The following GRAP2 variants were observed in gnomAD, a reference collection of about 807,000 sequenced individuals.
GRAP2 encodes GRB2 related adaptor protein 2.
Under a neutral mutation model 43.5 loss-of-function variants are expected in GRAP2, and 31 were observed. The observed-to-expected ratio is 0.71, with a 90% CI of 0.54 to 0.96. The LOEUF (loss-of-function observed/expected upper bound fraction) is 0.96. Ranked by LOEUF, GRAP2 falls within the 40% of genes least tolerant of loss-of-function variation. GRAP2 has a pLI of 0.00. For synonymous variants in GRAP2, 156 were observed against 164.8 expected (o/e 0.95, Z 0.41); for missense variants, 371 against 424.4 (o/e 0.87, Z 1.11).
the GRAP2 span, among the ~76,000 whole-genome samples, chr22:39,894,914 C>G: frequency 1.3e-5 from 2 of 152,180 alleles, no homozygotes; most frequent in African/African-American, 4.8e-5. Flanking sequence ...GAGTTTACAT[C>G]TGAATTGAAT....
chr22:39,953,178 A>G (rs1443810373), intron 2 of GRAP2, among the ~76,000 whole-genome samples: 4 of 152,054 alleles, frequency 2.6e-5, no homozygotes, highest in Non-Finnish European at 5.9e-5. Flanking sequence ...CTGAAACCCC[A>G]AGCCCCAACC....
intron 1 of GRAP2, among the ~76,000 whole-genome samples, chr22:39,924,569 GT>G (rs889162296): frequency 6.6e-6 from 1 of 152,168 alleles, no homozygotes; most frequent in African/African-American, 2.4e-5. Flanking sequence ...GGACGTGGTG[GT>G]GGGCGCCTGC....
At chr22:39,954,358 C>A (rs905713148) in intron 2 of GRAP2, among the ~76,000 whole-genome samples, 1 of 152,106 alleles carries the variant, frequency 6.6e-6, no homozygotes, top group African/African-American at 2.4e-5. Flanking sequence ...GCTCTGCTAT[C>A]CTTATTTAGA....
At chr22:39,960,437 G>T (rs973417521) in intron 4 of GRAP2, 1 of 429,808 alleles carries the variant, frequency 2.3e-6, no homozygotes, top group African/African-American at 2.0e-5. Context: ...GCTTCTGGAA[G>T]GGCAGGATTT....
intron 5 of GRAP2, among the ~76,000 whole-genome samples, chr22:39,967,804 AG>A (rs2067190358): frequency 6.6e-6 from 1 of 152,196 alleles, no homozygotes; most frequent in Non-Finnish European, 1.5e-5. Context: ...CCAGGCAAAA[AG>A]TGTTAGTCTG....
chr22:39,902,047 A>T (rs1198774537), intron 1 of GRAP2, among the ~76,000 whole-genome samples: 1 of 152,106 alleles, frequency 6.6e-6, no homozygotes, highest in Non-Finnish European at 1.5e-5. Flanking sequence ...GTATACTGTC[A>T]AAAAAAATTT....
chr22:39,955,165 C>T (rs768534771), intron 2 of GRAP2, among the ~76,000 whole-genome samples: 23 of 152,082 alleles, frequency 1.5e-4, no homozygotes, highest in Non-Finnish European at 2.4e-4. Flanking sequence ...AAGACAGTCC[C>T]GGCCAATATG....
intron 1 of GRAP2, among the ~76,000 whole-genome samples, chr22:39,943,906 G>T (rs2066895345): frequency 6.6e-6 from 1 of 151,958 alleles, no homozygotes; most frequent in Non-Finnish European, 1.5e-5. Flanking sequence ...TTTTAGTAGA[G>T]ATGGGGTTTT....
intron 1 of GRAP2, among the ~76,000 whole-genome samples, chr22:39,906,073 TGAAGTAATGG>T (rs917606843): frequency 6.6e-6 from 1 of 151,942 alleles, no homozygotes; most frequent in African/African-American, 2.4e-5. Flanking sequence ...AGGAGAACTA[TGAAGTAATGG>T]GGGGAAAAAA....
At chr22:39,951,342 C>G (rs1034904604) in intron 2 of GRAP2, among the ~76,000 whole-genome samples, 1 of 152,192 alleles carries the variant, frequency 6.6e-6, no homozygotes, top group African/African-American at 2.4e-5. Flanking sequence ...TATCTCTTGA[C>G]CCAGTCCATT....
chr22:39,930,923 C>G (rs1265671752), intron 1 of GRAP2, among the ~76,000 whole-genome samples: 1 of 152,202 alleles, frequency 6.6e-6, no homozygotes, highest in African/African-American at 2.4e-5. Context: ...ATTTGGGAAG[C>G]TTCCACTAAT....
At chr22:39,926,828 G>A in intron 1 of GRAP2, 1 of 983,752 alleles carries the variant, frequency 1.0e-6, no homozygotes, top group Non-Finnish European at 1.2e-6. Flanking sequence ...CCAATTAGGG[G>A]AGTATTGTCT....
chr22:39,971,183 C>T lies in GRAP2; in HGVS notation c.*99C>T. ...CATGACTATATATACATACATCTATCTACATCTGCCTGTGTACACACACAA... is the reference window on the plus strand; with the variant it reads ...CATGACTATATATACATACATCTATTTACATCTGCCTGTGTACACACACAA... On this transcript the variant is annotated 3_prime_UTR_variant, in exon 8 of 8. Transcript: ENST00000344138. 3 of 853,416 alleles carry T rather than the reference C, an allele frequency of 3.5e-6. No homozygotes were observed. The South Asian group carries it at 4.9e-5, about 14-fold the overall frequency. 52.9% of individuals were successfully genotyped at this position (853,416 alleles called of 1,614,324 possible).
At chr22:39,963,010 A>G (rs923216166) in intron 4 of GRAP2, among the ~76,000 whole-genome samples, 6 of 152,160 alleles carry the variant, frequency 3.9e-5, no homozygotes, top group African/African-American at 1.4e-4. Flanking sequence ...AGTGAGTTCT[A>G]CAAAACAGTA....
Position 39,960,177 on chromosome 22 carries a change from A to G in GRAP2, c.290+3A>G. Reference sequence around the variant, plus strand: ...GGGGACTTCTCCATCTCTGTCAGGTACTGACCATTCCTGACACTGCCTTGG... The same window carrying G: ...GGGGACTTCTCCATCTCTGTCAGGTGCTGACCATTCCTGACACTGCCTTGG... On this transcript the variant is annotated splice_donor_region_variant and intron_variant, in intron 4 of 7. Coordinates refer to ENST00000344138, the MANE Select transcript of GRAP2 (RefSeq NM_004810.4). The G allele has an allele frequency of 6.2e-7, 1 of 1,613,378 alleles. No individual in the cohort carries two copies. Among genetic ancestry groups the G allele is most frequent in the Non-Finnish European group, 8.5e-7 (1 of 1,179,292 alleles).
intron 7 of GRAP2, 41 bp from the exon 8 acceptor site, chr22:39,970,864 C>A (rs2067233860): frequency 3.3e-6 from 5 of 1,523,026 alleles, no homozygotes; most frequent in African/African-American, 1.4e-5. Flanking sequence ...GCCTGCCCAG[C>A]CCACAGCTCA....
intron 1 of GRAP2, among the ~76,000 whole-genome samples, chr22:39,906,448 C>T (rs766120798): frequency 6.6e-6 from 1 of 152,086 alleles, no homozygotes; most frequent in Non-Finnish European, 1.5e-5. Context: ...ATTAGCATTA[C>T]AAAAGGGTTC....
chr22:39,955,699 C>A (rs2067042055), intron 2 of GRAP2, 120 bp from the exon 3 acceptor site: 5 of 599,890 alleles, frequency 8.3e-6, no homozygotes, highest in Non-Finnish European at 1.6e-5. Context: ...TGAGTTCTTT[C>A]AACTTATTAA....
intron 1 of GRAP2, among the ~76,000 whole-genome samples, chr22:39,934,809 T>C (rs1210295415): frequency 1.3e-5 from 2 of 151,904 alleles, no homozygotes; most frequent in Non-Finnish European, 2.9e-5. Context: ...AGGTCAAGGC[T>C]ACAGTGACCC....
Sources: gnomAD v4.1 joint callset for allele counts (sites outside exome capture counted in the v4.1 genomes callset) on GRCh38, gnomAD v4.1.1 for gene constraint, MANE v1.5 for transcripts, NCBI Gene and HGNC (gene_info 2026-07-23, HGNC 2026-07-21) for gene names.